Variants in PREX1 observed in about 807,000 individuals in gnomAD.
PREX1 encodes the protein phosphatidylinositol 3,4,5-trisphosphate-dependent Rac exchanger 1 protein.
A neutral mutation model predicts 198.3 loss-of-function variants in PREX1; 41 were observed. The observed-to-expected ratio is 0.21, with a 90% CI of 0.16 to 0.27. The LOEUF (loss-of-function observed/expected upper bound fraction) is 0.27. PREX1 is among the 10% of genes least tolerant of loss of function. PREX1 has a pLI of 1.00. For missense variants in PREX1, 1,620 were observed against 2,200.7 expected (o/e 0.74, Z 5.28); for synonymous variants, 843 against 887.2 (o/e 0.95, Z 0.89).
chr20:48,875,181 C>A, the PREX1 span, among the ~76,000 whole-genome samples: 1 of 152,212 alleles, frequency 6.6e-6, no homozygotes, highest in Admixed American at 6.5e-5. Context: ...GGGCTTCATT[C>A]AGACTGGGTG....
At chr20:48,732,058 A>G (rs774734296) in intron 4 of PREX1, among the ~76,000 whole-genome samples, 1 of 152,230 alleles carries the variant, frequency 6.6e-6, no homozygotes, top group Non-Finnish European at 1.5e-5. Flanking sequence ...CAATGCAGAC[A>G]TGGCCATTTC....
chr20:48,676,322 G>C (rs374660213), intron 13 of PREX1, 54 bp from the exon 14 acceptor site: 78 of 1,554,940 alleles, frequency 5.0e-5, no homozygotes, highest in Non-Finnish European at 6.2e-5. Context: ...GGACAGAGGT[G>C]GGGGTGGTCC....
At position 48,642,465 on chromosome 20, in the gene PREX1, C is replaced by T. The variant is rs150957384; in HGVS notation, c.3626G>A (p.Arg1209Gln). Residue 1209 changes from arginine (R) to glutamine (Q), a missense_variant, in exon 28 of 40, where the codon CGG (arginine) becomes CAG (glutamine). By Grantham distance (43) the Arg-to-Gln change is conservative. This residue lies in a region of PREX1 where 476 missense variants were observed against 603.4 expected (regional missense o/e 0.79). Coordinates refer to ENST00000371941, the MANE Select transcript of PREX1 (RefSeq NM_020820.4). ...GSGDELPCDM[R>Q]IPSDKQDKLH... ...CTTGTCCTGCTTGTCAGATGGGATC[C>T]GCATGTCACAGGGCAGCTCATCTCC... The T allele has an allele frequency of 2.8e-5, 45 of 1,613,378 alleles. No individual in the cohort carries two copies. Among genetic ancestry groups the T allele is most frequent in the African/African-American group, 5.3e-5 (4 of 74,924 alleles).
chr20:48,675,104 T>C (rs937535308), intron 14 of PREX1, among the ~76,000 whole-genome samples: 3 of 152,230 alleles, frequency 2.0e-5, no homozygotes, highest in Non-Finnish European at 4.4e-5. Flanking sequence ...AAAATTCTTG[T>C]TGAAATGTGA....
At chr20:48,745,232 G>A in intron 2 of PREX1, 85 bp from the exon 3 acceptor site, 1 of 1,437,334 alleles carries the variant, frequency 7.0e-7, no homozygotes, top group Non-Finnish European at 9.4e-7. Context: ...AAACCTCGGT[G>A]CGGGTGACAT....
At chr20:48,743,990 G>GTGATGATGATGA (rs3037311) in intron 3 of PREX1, among the ~76,000 whole-genome samples, 13 of 149,280 alleles carry the variant, frequency 8.7e-5, no homozygotes, top group Admixed American at 6.7e-4. Flanking sequence ...AAGTGAGTTA[G>GTGATGATGATGA]TGATGATGAT....
intron 1 of PREX1, among the ~76,000 whole-genome samples, chr20:48,758,494 T>C (rs2090164889): frequency 6.6e-6 from 1 of 152,158 alleles, no homozygotes; most frequent in African/African-American, 2.4e-5. Flanking sequence ...GACAGGGCTT[T>C]GCAGCACCGC....
intron 7 of PREX1, among the ~76,000 whole-genome samples, chr20:48,699,436 T>C (rs2089863352): frequency 6.6e-6 from 1 of 152,104 alleles, no homozygotes; most frequent in Non-Finnish European, 1.5e-5. Context: ...AATCTCTCTG[T>C]GCCAATCCAC....
chr20:48,820,674 C>T (rs1341288240), intron 1 of PREX1, among the ~76,000 whole-genome samples: 1 of 152,148 alleles, frequency 6.6e-6, no homozygotes, highest in Non-Finnish European at 1.5e-5. Flanking sequence ...TAGTGGATAC[C>T]TGGAATATCT....
At chr20:48,687,790 C>T (rs56404635) in intron 10 of PREX1, among the ~76,000 whole-genome samples, 39,295 of 152,124 alleles carry the variant, frequency 0.26, 6,483 homozygotes, top group African/African-American at 0.47. Context: ...CCCCAGCCCT[C>T]TCCCTCAGGT....
the PREX1 span, among the ~76,000 whole-genome samples, chr20:48,882,459 G>T: frequency 7.4e-6 from 1 of 135,012 alleles, no homozygotes; most frequent in Non-Finnish European, 1.5e-5. Flanking sequence ...CCGAGATCGC[G>T]CCACTGCACT....
chr20:48,720,654 G>A (rs2089981086), intron 5 of PREX1, among the ~76,000 whole-genome samples: 1 of 151,866 alleles, frequency 6.6e-6, no homozygotes, highest in Non-Finnish European at 1.5e-5. Context: ...AAAATCTTCT[G>A]GAAAGCTATG....
chr20:48,683,700 A>G (rs1766616437), intron 10 of PREX1, among the ~76,000 whole-genome samples: 1 of 152,210 alleles, frequency 6.6e-6, no homozygotes, highest in African/African-American at 2.4e-5. Flanking sequence ...AACGCATCTA[A>G]CAGCTTCTCG....
At chr20:48,803,550 C>A (rs2090397027) in intron 1 of PREX1, among the ~76,000 whole-genome samples, 1 of 152,170 alleles carries the variant, frequency 6.6e-6, no homozygotes, top group Admixed American at 6.5e-5. Flanking sequence ...AGACCAGCAG[C>A]ACCCCAATTC....
At chr20:48,640,354 C>G (rs2089399906) in intron 29 of PREX1, among the ~76,000 whole-genome samples, 1 of 152,220 alleles carries the variant, frequency 6.6e-6, no homozygotes, top group African/African-American at 2.4e-5. Context: ...AGTCATGCAA[C>G]TGGGCAGTGA....
chr20:48,651,594 A>G lies in PREX1; in HGVS notation c.2468-11T>C, dbSNP rs777837545. The G allele has an allele frequency of 6.2e-7, 1 of 1,611,140 alleles. No homozygotes were observed. The highest frequency in any genetic ancestry group is 2.2e-5 in the East Asian group (1 of 44,840). On this transcript the variant is annotated splice_polypyrimidine_tract_variant and intron_variant, in intron 21 of 39. Coordinates refer to ENST00000371941, the MANE Select transcript of PREX1 (RefSeq NM_020820.4). ...ACAGCAGTGGGAAGGCTGGAAGCCA[A>G]AAGAGGTGACATCTGAGCAGAGATC... is the stretch of plus-strand genomic sequence containing the variant.
the PREX1 span, among the ~76,000 whole-genome samples, chr20:48,886,749 C>T: frequency 6.6e-6 from 1 of 152,232 alleles, no homozygotes; most frequent in Non-Finnish European, 1.5e-5. Context: ...ACTTTCTCCA[C>T]AATCCCACAA....
chr20:48,832,509 A>G (rs2090539340), upstream of PREX1, among the ~76,000 whole-genome samples: 1 of 152,170 alleles, frequency 6.6e-6, no homozygotes, highest in Admixed American at 6.5e-5. Context: ...CCAAATGCAA[A>G]TGAGTTCTCA....
chr20:48,711,439 G>C (rs564122686), intron 5 of PREX1, among the ~76,000 whole-genome samples: 2 of 152,260 alleles, frequency 1.3e-5, no homozygotes, highest in East Asian at 3.9e-4. Context: ...CGAGGCCAGG[G>C]AGTGAATGTG....
Sources: allele counts gnomAD v4.1 joint callset (sites outside exome capture counted in the v4.1 genomes callset), GRCh38; gene constraint gnomAD v4.1.1; regional missense constraint gnomAD v4.1.1; transcripts MANE v1.5; gene names NCBI Gene and HGNC (gene_info 2026-07-23, HGNC 2026-07-21).